APBA1: variants seen among roughly 807,000 people sequenced by gnomAD.
APBA1 encodes amyloid-beta A4 precursor protein-binding family A member 1.
Under a neutral mutation model 86.6 loss-of-function variants are expected in APBA1, and 55 were observed. The observed-to-expected ratio is 0.64, with a 90% confidence interval of 0.51 to 0.80. APBA1 has a LOEUF of 0.80. Ranked by LOEUF, APBA1 falls within the 30% of genes least tolerant of loss-of-function variation. APBA1 has a pLI of 0.00. For synonymous variants in APBA1, 511 were observed against 493.9 expected (o/e 1.03, Z -0.46); for missense variants, 1,090 against 1,183.0 (o/e 0.92, Z 1.15).
intron 11 of APBA1, 101 bp from the exon 12 acceptor site, chr9:69,432,777 G>A: frequency 8.4e-7 from 1 of 1,196,772 alleles, no homozygotes; most frequent in South Asian, 2.3e-5. Context: ...TCTGCTCTTG[G>A]AGAAACTGAC....
chr9:69,431,658 G>A (rs777970800), intron 12 of APBA1, among the ~76,000 whole-genome samples: 4 of 152,178 alleles, frequency 2.6e-5, no homozygotes, highest in Non-Finnish European at 4.4e-5. Flanking sequence ...AAATGCTCTC[G>A]CTCTCACCAG....
At chr9:69,597,590 G>A (rs1403047120) in intron 1 of APBA1, among the ~76,000 whole-genome samples, 2 of 152,180 alleles carry the variant, frequency 1.3e-5, no homozygotes, top group Non-Finnish European at 2.9e-5. Context: ...CCTTGCCCAT[G>A]CCTATGTCTT....
intron 2 of APBA1, among the ~76,000 whole-genome samples, chr9:69,496,959 T>C (rs10121267): frequency 0.18 from 26,089 of 146,522 alleles, 2,376 homozygotes; most frequent in Admixed American, 0.22. Context: ...CTTTTTCAGT[T>C]ATTACTCAGA....
intron 1 of APBA1, among the ~76,000 whole-genome samples, chr9:69,563,005 T>TC (rs1836971318): frequency 1.3e-5 from 2 of 152,374 alleles, no homozygotes; most frequent in African/African-American, 4.8e-5. Flanking sequence ...TGACTGTTTT[T>TC]CTAAATCTTG....
intron 1 of APBA1, among the ~76,000 whole-genome samples, chr9:69,575,143 C>T (rs1195792518): frequency 7.2e-5 from 11 of 152,218 alleles, no homozygotes; most frequent in Non-Finnish European, 1.5e-4. Context: ...GTTGCAAACT[C>T]CTGGGCTCAA....
chr9:69,661,133 C>T (rs1314818010), intron 1 of APBA1, among the ~76,000 whole-genome samples: 1 of 152,196 alleles, frequency 6.6e-6, no homozygotes, highest in Non-Finnish European at 1.5e-5. Context: ...TACAGTCACA[C>T]TAATAGGTTT....
intron 1 of APBA1, among the ~76,000 whole-genome samples, chr9:69,597,524 C>T (rs997874014): frequency 1.3e-5 from 2 of 152,106 alleles, no homozygotes; most frequent in African/African-American, 2.4e-5. Context: ...TAATTAGATC[C>T]CATTTGTCAA....
chr9:69,600,769 G>A (rs549813941), intron 1 of APBA1, among the ~76,000 whole-genome samples: 2 of 150,648 alleles, frequency 1.3e-5, no homozygotes, highest in East Asian at 3.9e-4. Flanking sequence ...CTGCACTCCC[G>A]CCTGGGCAAC....
chr9:69,656,241 C>CCTGTT (rs1278137803), intron 1 of APBA1, among the ~76,000 whole-genome samples: 4 of 152,152 alleles, frequency 2.6e-5, no homozygotes, highest in Non-Finnish European at 4.4e-5. Context: ...TAAATGTATA[C>CCTGTT]CTGTTCTATG....
chr9:69,660,513 T>C (rs1449565639), intron 1 of APBA1, among the ~76,000 whole-genome samples: 2 of 152,210 alleles, frequency 1.3e-5, no homozygotes, highest in African/African-American at 4.8e-5. Context: ...GTTTTGTTTG[T>C]CTGTTTGCTT....
chr9:69,543,197 C>T (rs1021632884), intron 1 of APBA1, among the ~76,000 whole-genome samples: 1 of 152,142 alleles, frequency 6.6e-6, no homozygotes, highest in Non-Finnish European at 1.5e-5. Context: ...TTGGAGGGAG[C>T]CCCTGGCAGT....
intron 1 of APBA1, among the ~76,000 whole-genome samples, chr9:69,588,531 T>C (rs1023990938): frequency 6.9e-6 from 1 of 144,294 alleles, no homozygotes; most frequent in Non-Finnish European, 1.5e-5. Context: ...ATTTAATCAG[T>C]TGTGAAGATG....
At chr9:69,469,952 G>T (rs2133831298) in intron 4 of APBA1, among the ~76,000 whole-genome samples, 1 of 152,244 alleles carries the variant, frequency 6.6e-6, no homozygotes, top group Middle Eastern at 3.4e-3. Flanking sequence ...TTCTCTACGG[G>T]ACTTCTAACA....
chr9:69,605,385 C>T (rs1283002291), intron 1 of APBA1, among the ~76,000 whole-genome samples: 1 of 152,142 alleles, frequency 6.6e-6, no homozygotes, highest in Non-Finnish European at 1.5e-5. Flanking sequence ...AAATTTATAA[C>T]TGATAATACC....
At chr9:69,615,273 G>C (rs1383203952) in intron 1 of APBA1, among the ~76,000 whole-genome samples, 2 of 152,138 alleles carry the variant, frequency 1.3e-5, no homozygotes, top group African/African-American at 4.8e-5. Flanking sequence ...GTATATTTTT[G>C]TAAACAAATA....
intron 1 of APBA1, among the ~76,000 whole-genome samples, chr9:69,593,187 C>A (rs1459591696): frequency 1.3e-5 from 2 of 152,120 alleles, no homozygotes; most frequent in East Asian, 3.8e-4. Context: ...AAAATTTGCC[C>A]TTTGAAAGTC....
chr9:69,428,313 C>G lies in APBA1; in HGVS notation c.*3014G>C, dbSNP rs937468685. On this transcript the variant is annotated 3_prime_UTR_variant, in exon 13 of 13. Coordinates refer to ENST00000265381, the MANE Select transcript of APBA1 (RefSeq NM_001163.4). Reference sequence around the variant, plus strand: ...GAAAGCAAACCCGTGCACAGGGACCCGGCACCCCTGCCATGCACTCCTAGG... The same window carrying G: ...GAAAGCAAACCCGTGCACAGGGACCGGGCACCCCTGCCATGCACTCCTAGG... The G allele has an allele frequency of 2.6e-5, 4 of 152,244 alleles. No homozygotes were observed. Among genetic ancestry groups the G allele is most frequent in the Admixed American group, 1.3e-4 (2 of 15,278 alleles). The allele number at this position is 152,244 out of a possible 1,614,324, so 9.4% of individuals were successfully genotyped here.
At chr9:69,538,691 A>T (rs1836551927) in intron 1 of APBA1, among the ~76,000 whole-genome samples, 1 of 152,202 alleles carries the variant, frequency 6.6e-6, no homozygotes, top group Non-Finnish European at 1.5e-5. Flanking sequence ...CTGACTCCTG[A>T]TCCAAGACTC....
chr9:69,472,996 C>T (rs141869778), intron 3 of APBA1, among the ~76,000 whole-genome samples: 5 of 152,312 alleles, frequency 3.3e-5, no homozygotes, highest in African/African-American at 1.2e-4. Flanking sequence ...ACTAATCACA[C>T]AATAATACAT....
Sources: allele counts gnomAD v4.1 joint callset (sites outside exome capture counted in the v4.1 genomes callset), GRCh38; gene constraint gnomAD v4.1.1; transcripts MANE v1.5; gene names NCBI Gene and HGNC (gene_info 2026-07-23, HGNC 2026-07-21).